CNTNAP2: variants seen among roughly 807,000 people sequenced by gnomAD.
CNTNAP2 encodes contactin-associated protein-like 2.
A neutral mutation model predicts 155.2 loss-of-function variants in CNTNAP2; 98 were observed. The observed-to-expected ratio is 0.63, with a 90% confidence interval of 0.54 to 0.75. CNTNAP2 has a LOEUF of 0.75. Ranked by LOEUF, CNTNAP2 falls within the 30% of genes least tolerant of loss-of-function variation. The pLI is 0.00. For synonymous variants in CNTNAP2, 651 were observed against 631.2 expected, an observed-to-expected ratio of 1.03 and a Z score of -0.47; for missense variants, 1,727 against 1,688.1, an observed-to-expected ratio of 1.02 and a Z score of -0.40.
At chr7:148,051,008 C>A (rs1415250370) in intron 15 of CNTNAP2, among the ~76,000 whole-genome samples, 1 of 152,156 alleles carries the variant, frequency 6.6e-6, no homozygotes, top group Non-Finnish European at 1.5e-5. Flanking sequence ...AGACACACTC[C>A]TCAGAATACA....
chr7:147,567,093 T>A (rs1304066719), intron 12 of CNTNAP2, among the ~76,000 whole-genome samples: 2 of 152,098 alleles, frequency 1.3e-5, no homozygotes, highest in African/African-American at 2.4e-5. Flanking sequence ...TGGCCAGGAA[T>A]AATGAACCTT....
intron 1 of CNTNAP2, among the ~76,000 whole-genome samples, chr7:146,206,521 G>A (rs967481297): frequency 2.6e-5 from 4 of 151,864 alleles, no homozygotes; most frequent in African/African-American, 9.7e-5. Context: ...AGGGAGGATA[G>A]ACATTAATTT....
chr7:148,151,520 C>G (rs1563215919), intron 17 of CNTNAP2, among the ~76,000 whole-genome samples: 1 of 151,882 alleles, frequency 6.6e-6, no homozygotes, highest in African/African-American at 2.4e-5. Context: ...GGTCTCAGAC[C>G]CCTGACCTCA....
chr7:147,464,931 A>G (rs188407132), intron 10 of CNTNAP2, among the ~76,000 whole-genome samples: 11 of 152,348 alleles, frequency 7.2e-5, no homozygotes, highest in African/African-American at 2.6e-4. Context: ...CCTGATATGT[A>G]TTTCATTTGA....
intron 1 of CNTNAP2, among the ~76,000 whole-genome samples, chr7:146,671,812 T>G (rs1413034917): frequency 6.6e-6 from 1 of 151,876 alleles, no homozygotes; most frequent in Non-Finnish European, 1.5e-5. Flanking sequence ...TTTTTTTATT[T>G]TGTTTTTATT....
At chr7:146,963,594 CAATT>C (rs1797597004) in intron 3 of CNTNAP2, among the ~76,000 whole-genome samples, 1 of 151,874 alleles carries the variant, frequency 6.6e-6, no homozygotes, top group African/African-American at 2.4e-5. Context: ...AATAGTAACA[CAATT>C]AATTCAGATT....
At chr7:146,520,396 T>C (rs955665342) in intron 1 of CNTNAP2, among the ~76,000 whole-genome samples, 1 of 148,220 alleles carries the variant, frequency 6.7e-6, no homozygotes, top group Admixed American at 6.8e-5. Context: ...AAGAGAAAAA[T>C]GACACTCATC....
chr7:146,238,761 A>G (rs1411473180), intron 1 of CNTNAP2, among the ~76,000 whole-genome samples: 1 of 152,142 alleles, frequency 6.6e-6, no homozygotes, highest in African/African-American at 2.4e-5. Context: ...ATGGCTGGGG[A>G]GGCCTCAGGA....
rs1031801546 is a variant in CNTNAP2 at position 146,338,129 on chromosome 7, A to G, written c.97+221156A>G. Among the ~76,000 whole-genome samples the G allele has an allele frequency of 5.9e-5, 9 of 152,184 alleles. No individual in the cohort carries two copies. In the East Asian group the frequency reaches 1.7e-3, roughly 29 times the overall value. On this transcript the variant is annotated intron_variant, in intron 1 of 23. Transcript: ENST00000361727. ...CAGATATATGGGGGCTGGGGGAGAC[A>G]GAGAGAAACTGTGTTTTCTGGGGCA...
intron 1 of CNTNAP2, among the ~76,000 whole-genome samples, chr7:146,499,307 T>A (rs1176576711): frequency 3.3e-5 from 5 of 152,128 alleles, no homozygotes; most frequent in Non-Finnish European, 5.9e-5. Context: ...TTCAGCCTCC[T>A]GAGTAGCTGG....
intron 1 of CNTNAP2, among the ~76,000 whole-genome samples, chr7:146,491,085 A>G (rs1261203107): frequency 6.6e-6 from 1 of 152,248 alleles, no homozygotes; most frequent in Non-Finnish European, 1.5e-5. Flanking sequence ...GATTTTTGCA[A>G]AGCCCCCCCA....
At chr7:146,608,224 C>A (rs757673784) in intron 1 of CNTNAP2, among the ~76,000 whole-genome samples, 1 of 152,154 alleles carries the variant, frequency 6.6e-6, no homozygotes, top group Non-Finnish European at 1.5e-5. Flanking sequence ...TGAAGATATT[C>A]GTGCAAATAT....
intron 8 of CNTNAP2, among the ~76,000 whole-genome samples, chr7:147,269,749 C>T (rs1804697897): frequency 6.6e-6 from 1 of 152,024 alleles, no homozygotes; most frequent in African/African-American, 2.4e-5. Context: ...AGGTTTCAGG[C>T]CATGGAGTTA....
At position 146,394,699 on chromosome 7, in the gene CNTNAP2, A is replaced by G. The variant is rs568853006; in HGVS notation, c.97+277726A>G. Among the ~76,000 whole-genome samples the G allele has an allele frequency of 2.0e-5, 3 of 152,296 alleles. No individual in the cohort carries two copies. In the East Asian group the frequency reaches 5.8e-4, roughly 29 times the overall value. ...TTACAAAATGTTCTAAGTGCTTTATACACCTAATATTAGTATGGTTATTTC... is the reference window on the plus strand; with the variant it reads ...TTACAAAATGTTCTAAGTGCTTTATGCACCTAATATTAGTATGGTTATTTC... On this transcript the variant is annotated intron_variant, in intron 1 of 23. Coordinates refer to ENST00000361727, the MANE Select transcript of CNTNAP2 (RefSeq NM_014141.6).
intron 2 of CNTNAP2, among the ~76,000 whole-genome samples, chr7:146,807,586 T>C (rs952779322): frequency 1.3e-5 from 2 of 152,058 alleles, no homozygotes; most frequent in South Asian, 4.1e-4. Context: ...ATGGTGACAA[T>C]GTAACCGAAT....
intron 2 of CNTNAP2, among the ~76,000 whole-genome samples, chr7:146,838,117 G>A (rs756472694): frequency 2.6e-5 from 4 of 152,110 alleles, no homozygotes; most frequent in Admixed American, 6.5e-5. Context: ...GCTTTGAATT[G>A]TAATATGTTT....
intron 2 of CNTNAP2, among the ~76,000 whole-genome samples, chr7:146,784,936 T>G (rs1232049207): frequency 6.6e-6 from 1 of 152,084 alleles, no homozygotes; most frequent in Non-Finnish European, 1.5e-5. Context: ...AAAATGTGTT[T>G]ACGAGAATAA....
intron 9 of CNTNAP2, among the ~76,000 whole-genome samples, chr7:147,369,112 G>A (rs192304863): frequency 4.2e-4 from 64 of 152,268 alleles, no homozygotes; most frequent in African/African-American, 1.4e-3. Flanking sequence ...TTCTAACCAC[G>A]TTAAATACTT....
intron 8 of CNTNAP2, among the ~76,000 whole-genome samples, chr7:147,168,287 G>T (rs1802160588): frequency 6.6e-6 from 1 of 151,640 alleles, no homozygotes; most frequent in Non-Finnish European, 1.5e-5. Context: ...TATGTTTCCA[G>T]TGATGGGTCT....
Sources: gnomAD v4.1 joint callset for allele counts (sites outside exome capture counted in the v4.1 genomes callset) on GRCh38, gnomAD v4.1.1 for gene constraint, MANE v1.5 for transcripts, NCBI Gene and HGNC (gene_info 2026-07-23, HGNC 2026-07-21) for gene names.